The following ZDHHC21 variants were observed in gnomAD, a reference collection of about 807,000 sequenced individuals.
ZDHHC21 encodes zDHHC palmitoyltransferase 21.
In ZDHHC21, 15 loss-of-function variants were observed where a neutral mutation model predicts 34.6. The observed-to-expected ratio is 0.43, with a 90% CI of 0.29 to 0.67. ZDHHC21 has a LOEUF of 0.67. ZDHHC21 is among the 30% of genes least tolerant of loss of function. ZDHHC21 has a pLI of 0.14. For missense variants in ZDHHC21, 344 were observed against 327.7 expected, an observed-to-expected ratio of 1.05 and a Z score of -0.38; for synonymous variants, 142 against 101.8, an observed-to-expected ratio of 1.40 and a Z score of -2.38.
chr9:14,625,166 C>T lies in ZDHHC21; in HGVS notation c.622-5484G>A, dbSNP rs545657885. On this transcript the variant is annotated intron_variant, in intron 8 of 9. Transcript: ENST00000380916. ...TGGTCAACTTAATATAAATTTGCAG[C>T]ACTAAACTAATTGGACATGAACAGA... is the stretch of plus-strand genomic sequence containing the variant. Among the ~76,000 whole-genome samples, 51 of 152,118 alleles carry T rather than the reference C, an allele frequency of 3.4e-4. 1 individual carries two copies. Among genetic ancestry groups the T allele is most frequent in the Admixed American group, 3.9e-4 (6 of 15,258 alleles).
At chr9:14,626,180 GC>G (rs1826174069) in intron 8 of ZDHHC21, among the ~76,000 whole-genome samples, 1 of 151,912 alleles carries the variant, frequency 6.6e-6, no homozygotes, top group South Asian at 2.1e-4. Flanking sequence ...CATTTAACAT[GC>G]CCCTTTGGCT....
chr9:14,645,221 T>G (rs1830085104), intron 7 of ZDHHC21, among the ~76,000 whole-genome samples: 1 of 151,580 alleles, frequency 6.6e-6, no homozygotes, highest in South Asian at 2.1e-4. Flanking sequence ...AAAACCACAG[T>G]TGTAATGACA....
At chr9:14,677,014 GC>G (rs1164124501) in intron 3 of ZDHHC21, among the ~76,000 whole-genome samples, 2 of 152,056 alleles carry the variant, frequency 1.3e-5, no homozygotes, top group East Asian at 3.9e-4. Context: ...AAGTACATGA[GC>G]CAGCAAAACG....
intron 7 of ZDHHC21, among the ~76,000 whole-genome samples, chr9:14,645,546 T>G (rs1018359038): frequency 6.6e-6 from 1 of 151,972 alleles, no homozygotes; most frequent in African/African-American, 2.4e-5. Flanking sequence ...AAAAAATATT[T>G]TATAAACTGA....
At chr9:14,599,849 A>G in the ZDHHC21 span, among the ~76,000 whole-genome samples, 1 of 152,186 alleles carries the variant, frequency 6.6e-6, no homozygotes, top group African/African-American at 2.4e-5. Context: ...GGCTGGTTCA[A>G]TATATGCAAA....
At chr9:14,690,241 G>T in intron 2 of ZDHHC21, 96 bp downstream of exon 2, 1 of 409,230 alleles carries the variant, frequency 2.4e-6, no homozygotes. Context: ...TGGGGGGTTG[G>T]GGGTAGAAGA....
At chr9:14,630,503 G>A (rs1020363318) in intron 8 of ZDHHC21, among the ~76,000 whole-genome samples, 7 of 152,032 alleles carry the variant, frequency 4.6e-5, no homozygotes, top group Non-Finnish European at 8.8e-5. Context: ...CCAAACTCCC[G>A]TTCATATTGT....
rs35050957 is a variant in ZDHHC21, at chr9:14,663,493, A to ATT, written c.254-1169_254-1168dup. ...TTTTCTTTTTTTTTTCAGATTACAG[A>ATT]TTTTTTTTTTTTTTTACCAATATTG... On this transcript the variant is annotated intron_variant, in intron 5 of 9. Transcript: ENST00000380916. Among the ~76,000 whole-genome samples the ATT allele has an allele frequency of 3.9e-3, 539 of 136,704 alleles. 4 individuals carry two copies. The highest frequency in any genetic ancestry group is 0.014 in the African/African-American group (518 of 36,868). 89.7% of individuals were successfully genotyped at this position (136,704 alleles called of 152,430 possible). A position where few individuals can be genotyped will look rare whatever the true frequency, so the allele number is the denominator to read the frequency against.
In ZDHHC21 at chr9:14,664,149, C is replaced by T. The variant is rs575180279; in HGVS notation, c.254-1823G>A. On this transcript the variant is annotated intron_variant, in intron 5 of 9. Transcript: ENST00000380916. Reference sequence around the variant, plus strand: ...GACAGTGGGCGCAGGCCAGCGGGTGCGCGCACCGTGCGCGAGCCGAAGCAG... The same window carrying T: ...GACAGTGGGCGCAGGCCAGCGGGTGTGCGCACCGTGCGCGAGCCGAAGCAG... 5.1e-3 allele frequency among the ~76,000 whole-genome samples: 780 copies of T among 152,188 alleles called. 31 individuals carry two copies. Among genetic ancestry groups the T allele is most frequent in the Admixed American group, 0.047 (720 of 15,282 alleles).
intron 9 of ZDHHC21, among the ~76,000 whole-genome samples, chr9:14,619,341 A>G (rs190197467): frequency 6.6e-6 from 1 of 152,276 alleles, no homozygotes; most frequent in East Asian, 1.9e-4. Flanking sequence ...TCTCAGGATT[A>G]ACAGAATGTG....
intron 2 of ZDHHC21, among the ~76,000 whole-genome samples, chr9:14,686,336 G>A (rs1158907780): frequency 6.6e-6 from 1 of 152,166 alleles, no homozygotes; most frequent in African/African-American, 2.4e-5. Flanking sequence ...AGACTAGGAT[G>A]GCTCCCAAGT....
At chr9:14,641,206 G>A (rs965417245) in intron 7 of ZDHHC21, among the ~76,000 whole-genome samples, 1 of 152,082 alleles carries the variant, frequency 6.6e-6, no homozygotes. Context: ...CCAGACTCAA[G>A]CAAAAATCTG....
chr9:14,630,159 T>A (rs1231968424), intron 8 of ZDHHC21, among the ~76,000 whole-genome samples: 1 of 152,242 alleles, frequency 6.6e-6, no homozygotes, highest in African/African-American at 2.4e-5. Flanking sequence ...TTACCCACAG[T>A]AGGACTTCGT....
intron 2 of ZDHHC21, among the ~76,000 whole-genome samples, chr9:14,689,779 G>C (rs1838901456): frequency 6.6e-6 from 1 of 152,116 alleles, no homozygotes; most frequent in African/African-American, 2.4e-5. Flanking sequence ...GGGTATGTTT[G>C]TCTGAGACAG....
rs1823220897 is a variant in ZDHHC21, at chr9:14,611,088, T to C, written c.*7878A>G. ...AACAGTCCTACGTTTTTAAAAAATA[T>C]TTATTTAAAAATAAGATTTCAAAAA... On this transcript the variant is annotated 3_prime_UTR_variant, in exon 10 of 10. Coordinates refer to ENST00000380916, the MANE Select transcript of ZDHHC21 (RefSeq NM_178566.6). The C allele has an allele frequency of 1.3e-5, 2 of 151,980 alleles. No homozygotes were observed. Among genetic ancestry groups the C allele is most frequent in the Non-Finnish European group, 2.9e-5 (2 of 67,942 alleles). 9.4% of individuals were successfully genotyped at this position (151,980 alleles called of 1,614,324 possible). A position where few individuals can be genotyped will look rare whatever the true frequency, so the allele number is the denominator to read the frequency against.
At chr9:14,639,845 T>G (rs768599279) in intron 8 of ZDHHC21, 51 bp downstream of exon 8, 4 of 1,078,126 alleles carry the variant, frequency 3.7e-6, no homozygotes, top group Admixed American at 2.3e-5. Context: ...ATTACATTCA[T>G]AATTAGGTAA....
the ZDHHC21 span, among the ~76,000 whole-genome samples, chr9:14,603,918 G>C: frequency 6.6e-6 from 1 of 152,082 alleles, no homozygotes; most frequent in Admixed American, 6.6e-5. Context: ...CCCTTGATTT[G>C]CCTTAAGAAA....
intron 8 of ZDHHC21, among the ~76,000 whole-genome samples, chr9:14,625,981 T>G (rs7873022): frequency 0.42 from 64,034 of 151,594 alleles, 14,130 homozygotes; most frequent in Non-Finnish European, 0.49. Flanking sequence ...TATAGTAACA[T>G]AGAGAGGAAG....
rs534761176 is a variant in ZDHHC21, at chr9:14,662,925, A to T, written c.254-599T>A. On this transcript the variant is annotated intron_variant, in intron 5 of 9. Transcript: ENST00000380916. ...ATGTCATATGGGTTTGGGAGGTATC[A>T]GAATAGTTTCAGTAGTGAAAAATGT... 2.6e-5 allele frequency among the ~76,000 whole-genome samples: 4 copies of T among 152,312 alleles called. No homozygotes were observed. In the South Asian group the frequency reaches 8.3e-4, roughly 32 times the overall value.
Sources: allele counts gnomAD v4.1 joint callset (sites outside exome capture counted in the v4.1 genomes callset), GRCh38; gene constraint gnomAD v4.1.1; transcripts MANE v1.5; gene names NCBI Gene and HGNC (gene_info 2026-07-23, HGNC 2026-07-21).